The following CARNS1 variants were observed in gnomAD, a reference collection of about 807,000 sequenced individuals.
The protein encoded by CARNS1 is carnosine synthase 1.
In CARNS1, 61 loss-of-function variants were observed where a neutral mutation model predicts 74.0. That is an observed-to-expected ratio of 0.82 (90% CI 0.67 to 1.02). CARNS1 has a LOEUF of 1.02. Among genes scored for constraint, CARNS1 ranks in the 50% least tolerant of loss-of-function variants. The probability of loss-of-function intolerance (pLI) is 0.00; values close to 1 mark genes in which losing one functional copy is unlikely to be tolerated. For synonymous variants in CARNS1, 568 were observed against 605.5 expected, an observed-to-expected ratio of 0.94 and a Z score of 0.91; for missense variants, 1,278 against 1,308.4, an observed-to-expected ratio of 0.98 and a Z score of 0.36.
rs1338810333 is a variant in CARNS1 at position 67,417,497 on chromosome 11, C to T, written c.94C>T (p.Leu32=). 6.9e-6 allele frequency: 10 copies of T among 1,444,280 alleles called. No homozygotes were observed. The African/African-American group carries it at 1.3e-4, about 19-fold the overall frequency. 89.5% of individuals were successfully genotyped at this position (1,444,280 alleles called of 1,614,324 possible). ...GGGCCCCTGGGGAGGGGGCTCTGGC[C>T]TGCCGCCCACAGGCTGCTTCCCTGG... ...EEGPWGGGSG[L]PPTGCFPGSW... is the part of the protein sequence containing the mutation. Residue 32 remains leucine (L), a synonymous_variant, in exon 3 of 10, where the codon CTG becomes TTG. Transcript: ENST00000687366.
At position 67,423,706 on chromosome 11, in the gene CARNS1, G is replaced by T. The variant is rs775681177; in HGVS notation, c.1958G>T (p.Cys653Phe). The change falls in exon 10 of 10, where the codon TGC becomes TTC. Residue 653 changes from cysteine (C) to phenylalanine (F), a missense_variant. By Grantham distance (205) the Cys-to-Phe change is radical. Coordinates refer to ENST00000687366, the MANE Select transcript of CARNS1 (RefSeq NM_001166222.2). This position sits in a 1 kb window ranked among gnomAD's most constrained non-coding sequence, Gnocchi z 5.1. The stretch of plus-strand genomic sequence containing the variant: ...CCCTCCCTCCATGCTGTGCCCTGCT[G>T]CCCACTGGAGAGTGAGGCTGATGTG... Reference protein sequence around the residue: ...PAPSLHAVPCCPLESEADVER... With the variant: ...PAPSLHAVPCFPLESEADVER... 1 of 1,582,138 alleles carries T rather than the reference G, an allele frequency of 6.3e-7. No individual in the cohort carries two copies. The highest frequency in any genetic ancestry group is 8.6e-7 in the Non-Finnish European group (1 of 1,168,770).
rs1296932145 is a variant in CARNS1 at position 67,421,124 on chromosome 11, C to G, written c.1531C>G (p.Arg511Gly). The change falls in exon 9 of 10, where the codon CGC becomes GGC. Residue 511 changes from arginine to glycine, a missense_variant. Arg to Gly is a moderately radical substitution (Grantham distance 125, BLOSUM62 -2). Around this residue, in one of 3 missense-constraint regions of CARNS1, gnomAD observed 1,164 missense variants for 1,156.5 expected, o/e 1.01. Transcript: ENST00000687366. ...GGAGACCATGCTTCGGCGGTCGGCG[C>G]GCTGCCTCATGGAGGGAAAACAGCT... ...LVETMLRRSA[R>G]CLMEGKQLLV... is the part of the protein sequence containing the mutation. 1 of 1,468,548 alleles carries G rather than the reference C, an allele frequency of 6.8e-7. No individual in the cohort carries two copies. Among genetic ancestry groups the G allele is most frequent in the Non-Finnish European group, 8.9e-7 (1 of 1,117,364 alleles). The allele number at this position is 1,468,548 out of a possible 1,614,324, so 91.0% of individuals were successfully genotyped here.
At position 67,419,517 on chromosome 11, in the gene CARNS1, C is replaced by CG; in HGVS notation, c.888dup (p.Arg297AlafsTer69). On this transcript the variant is annotated frameshift_variant, in exon 6 of 10. Transcript: ENST00000687366. LOFTEE classifies it high-confidence loss of function. ...TGTGAAGCTCAGTGGCTGGCGCTGG[C>CG]GGGGGCGGCAGGCATGGCGTCTGCA... is the stretch of plus-strand genomic sequence containing the variant. The CG allele has an allele frequency of 6.2e-7, 1 of 1,610,210 alleles. No individual in the cohort carries two copies. The highest frequency in any genetic ancestry group is 8.5e-7 in the Non-Finnish European group (1 of 1,179,294).
chr11:67,425,025 T>G lies in CARNS1; in HGVS notation c.*424T>G, dbSNP rs774769279. On this transcript the variant is annotated 3_prime_UTR_variant, in exon 10 of 10. Transcript: ENST00000687366. ...TGGGCCCCAAGCCTTGGACAAATCC[T>G]GGGAAAACCTGAGACTAGAACCCTT... 7.2e-5 allele frequency: 34 copies of G among 472,690 alleles called. No homozygotes were observed. Among genetic ancestry groups the G allele is most frequent in the Non-Finnish European group, 1.3e-4 (32 of 238,652 alleles). The allele number at this position is 472,690 out of a possible 1,614,324, so 29.3% of individuals were successfully genotyped here.
rs1311072989 is a variant in CARNS1 at position 67,420,797 on chromosome 11, T to C, written c.1302T>C (p.Ser434=). The C allele has an allele frequency of 1.6e-6, 2 of 1,231,978 alleles. No individual in the cohort carries two copies. Among genetic ancestry groups the C allele is most frequent in the East Asian group, 6.6e-5 (2 of 30,326 alleles). 76.3% of individuals were successfully genotyped at this position (1,231,978 alleles called of 1,614,324 possible). The stretch of plus-strand genomic sequence containing the variant: ...TGCTGGCTCTGGAGGCCGGCCTGAG[T>C]GCCGAGCAGCGCGGCGGGCGCCGGG... ...AAVLALEAGL[S]AEQRGGRRAH... The change falls in exon 8 of 10, where the codon AGT becomes AGC. Residue 434 remains serine (S), a synonymous_variant. Coordinates refer to ENST00000687366, the MANE Select transcript of CARNS1 (RefSeq NM_001166222.2).
Position 67,419,257 on chromosome 11 carries a change from G to A in CARNS1, c.852+14G>A, listed in dbSNP as rs1863631003. 9 of 1,468,850 alleles carry A rather than the reference G, an allele frequency of 6.1e-6. No individual in the cohort carries two copies. Among genetic ancestry groups the A allele is most frequent in the African/African-American group, 2.8e-5 (2 of 70,724 alleles). 91.0% of individuals were successfully genotyped at this position (1,468,850 alleles called of 1,614,324 possible). A position where few individuals can be genotyped will look rare whatever the true frequency, so the allele number is the denominator to read the frequency against. On this transcript the variant is annotated intron_variant, in intron 5 of 9. Coordinates refer to ENST00000687366, the MANE Select transcript of CARNS1 (RefSeq NM_001166222.2). ...GATATCCTGCAGGTAACAGACTCTCGCCCACCCTGAGGTCTGTACAGATGC... is the reference window on the plus strand; with the variant it reads ...GATATCCTGCAGGTAACAGACTCTCACCCACCCTGAGGTCTGTACAGATGC...
At position 67,425,278 on chromosome 11, in the gene CARNS1, G is replaced by A. The variant is rs1215597850; in HGVS notation, c.*677G>A. 4 of 353,304 alleles carry A rather than the reference G, an allele frequency of 1.1e-5. No individual in the cohort carries two copies. The highest frequency in any genetic ancestry group is 3.8e-5 in the Admixed American group (1 of 26,654). The allele number at this position is 353,304 out of a possible 1,614,324, so 21.9% of individuals were successfully genotyped here. On this transcript the variant is annotated 3_prime_UTR_variant, in exon 10 of 10. Transcript: ENST00000687366. ...CCAGGATTATACCACAGTGGAGAGC[G>A]GGTCACAGGACATGATGCAGGGTCC...
Position 67,419,955 on chromosome 11 carries a change from G to C in CARNS1, c.1113+117G>C, listed in dbSNP as rs148879861. The C allele has an allele frequency of 2.0e-4, 205 of 1,024,942 alleles. 2 individuals carry two copies. The African/African-American group carries it at 2.9e-3, about 14-fold the overall frequency. 63.5% of individuals were successfully genotyped at this position (1,024,942 alleles called of 1,614,324 possible). A position where few individuals can be genotyped will look rare whatever the true frequency, so the allele number is the denominator to read the frequency against. ...TGGGCAGAGAGGACAAAATCCTTAG[G>C]GGGGTCGTAGTTGCCTCTGGGGAAA... On this transcript the variant is annotated intron_variant, in intron 7 of 9. Transcript: ENST00000687366.
Position 67,418,955 on chromosome 11 carries a change from G to A in CARNS1, c.564G>A (p.Glu188=), listed in dbSNP as rs1255867207. The change falls in exon 5 of 10, where the codon GAG becomes GAA. Residue 188 remains glutamate (E), a synonymous_variant. Coordinates refer to ENST00000687366, the MANE Select transcript of CARNS1 (RefSeq NM_001166222.2). ...GLGLGPGRGR[E]AAELARDLTC... ...GCCTGGGGCCTGGCCGGGGCCGAGAGGCAGCAGAACTCGCCCGTGACCTGA... is the reference window on the plus strand; with the variant it reads ...GCCTGGGGCCTGGCCGGGGCCGAGAAGCAGCAGAACTCGCCCGTGACCTGA... 6.4e-7 allele frequency: 1 copy of A among 1,573,378 alleles called. No homozygotes were observed. Among genetic ancestry groups the A allele is most frequent in the Non-Finnish European group, 8.6e-7 (1 of 1,159,818 alleles).
In CARNS1 at chr11:67,418,820, T is replaced by C. The variant is rs770209351; in HGVS notation, c.429T>C (p.Gly143=). The C allele has an allele frequency of 5.6e-6, 9 of 1,600,546 alleles. No homozygotes were observed. ...LMKVPAPGQP[G]EAALLVSKAV... ...AGGTGCCAGCACCCGGGCAGCCGGG[T>C]GAGGCAGCCCTGCTAGTCTCCAAGG... Residue 143 remains glycine, a synonymous_variant, in exon 5 of 10, where the codon GGT becomes GGC. Coordinates refer to ENST00000687366, the MANE Select transcript of CARNS1 (RefSeq NM_001166222.2).
chr11:67,421,692 T>C (rs1863710019), intron 9 of CARNS1, among the ~76,000 whole-genome samples: 1 of 152,164 alleles, frequency 6.6e-6, no homozygotes, highest in South Asian at 2.1e-4. Flanking sequence ...GGCATCACTT[T>C]ACAGAATCTG....
Position 67,421,172 on chromosome 11 carries a change from G to A in CARNS1, c.1579G>A (p.Val527Ile), listed in dbSNP as rs1022542029. 12 of 1,496,374 alleles carry A rather than the reference G, an allele frequency of 8.0e-6. No individual in the cohort carries two copies. The African/African-American group carries it at 1.8e-4, about 22-fold the overall frequency. The allele number at this position is 1,496,374 out of a possible 1,614,324, so 92.7% of individuals were successfully genotyped here. ...GCTGCTGGTGGTCGGCGCTGGCGGC[G>A]TCAGCAAGAAGTTCGTGTGGGAGGC... ...KQLLVVGAGG[V>I]SKKFVWEAAR... The change falls in exon 9 of 10, where the codon GTC (valine) becomes ATC (isoleucine). Residue 527 changes from valine to isoleucine, a missense_variant. Around this residue, in one of 3 missense-constraint regions of CARNS1, gnomAD observed 1,164 missense variants for 1,156.5 expected, o/e 1.01. Transcript: ENST00000687366.
In CARNS1 at chr11:67,424,351, A is replaced by G. The variant is rs373112633; in HGVS notation, c.2603A>G (p.Gln868Arg). ...GTGGGCGTCATGTGCCTTGTGTCCC[A>G]GCACCTGCAGGCCCTGAGTTCCACC... Reference protein sequence around the residue: ...HLVGVMCLVSQHLQALSSTAS... With the variant: ...HLVGVMCLVSRHLQALSSTAS... The change falls in exon 10 of 10, where the codon CAG becomes CGG. Residue 868 changes from glutamine (Q) to arginine (R), a missense_variant. Gln to Arg is a conservative substitution (Grantham distance 43, BLOSUM62 1). This residue lies in a region of CARNS1 where 1,164 missense variants were observed against 1,156.5 expected (regional missense o/e 1.01). Transcript: ENST00000687366. The G allele has an allele frequency of 5.6e-6, 9 of 1,605,682 alleles. No homozygotes were observed. The African/African-American group carries it at 1.2e-4, about 21-fold the overall frequency.
rs978836924 is a variant in CARNS1, at chr11:67,423,121, C to T, written c.1627-254C>T. 4.6e-5 allele frequency among the ~76,000 whole-genome samples: 7 copies of T among 152,232 alleles called. No individual in the cohort carries two copies. The highest frequency in any genetic ancestry group is 1.0e-4 in the Non-Finnish European group (7 of 68,036). ...AACATGCCTTTTCCTCCTGCAGCCA[C>T]CTGGCTGACTCATATTCTTCAGCTC... On this transcript the variant is annotated intron_variant, in intron 9 of 9. Coordinates refer to ENST00000687366, the MANE Select transcript of CARNS1 (RefSeq NM_001166222.2). This position sits in a 1 kb window ranked among gnomAD's most constrained non-coding sequence, Gnocchi z 5.1.
Position 67,420,696 on chromosome 11 carries a change from G to T in CARNS1, c.1201G>T (p.Gly401Cys), listed in dbSNP as rs1000917616. ...RTLEVALAQC[G>C]LGEEAQVAAV... is the part of the protein sequence containing the mutation. ...GCTGGAGGTGGCGCTGGCCCAGTGC[G>T]GCCTGGGCGAGGAGGCGCAGGTGGC... Residue 401 changes from glycine to cysteine, a missense_variant, in exon 8 of 10, where the codon GGC becomes TGC. Physicochemically the swap from Gly to Cys is radical, Grantham distance 159. Around this residue, in one of 3 missense-constraint regions of CARNS1, gnomAD observed 1,164 missense variants for 1,156.5 expected, o/e 1.01. Coordinates refer to ENST00000687366, the MANE Select transcript of CARNS1 (RefSeq NM_001166222.2). The T allele has an allele frequency of 3.9e-6, 5 of 1,266,266 alleles. No individual in the cohort carries two copies. The African/African-American group carries it at 6.2e-5, about 16-fold the overall frequency. The allele number at this position is 1,266,266 out of a possible 1,614,324, so 78.4% of individuals were successfully genotyped here.
rs1432388977 is a variant in CARNS1 at position 67,424,456 on chromosome 11, G to A, written c.2708G>A (p.Gly903Asp). The A allele has an allele frequency of 6.3e-7, 1 of 1,588,784 alleles. No individual in the cohort carries two copies. The highest frequency in any genetic ancestry group is 8.6e-7 in the Non-Finnish European group (1 of 1,168,848). ...LNLLEEALVP[G>D]EYEEPYCSVA... ...CTGCTGGAGGAGGCCCTGGTGCCTG[G>A]CGAGTATGAGGAGCCCTACTGCAGT... Residue 903 changes from glycine (G) to aspartate (D), a missense_variant, in exon 10 of 10, where the codon GGC becomes GAC. Gly to Asp is a moderately conservative substitution (Grantham distance 94). This residue lies in a region of CARNS1 where 1,164 missense variants were observed against 1,156.5 expected (regional missense o/e 1.01). Transcript: ENST00000687366.
At chr11:67,416,773 G>A (rs947254527) in intron 2 of CARNS1, 1 of 986,400 alleles carries the variant, frequency 1.0e-6, no homozygotes, top group Non-Finnish European at 1.2e-6. Context: ...CCTCAGAGAG[G>A]GGAGGGACGT....
chr11:67,424,181 C>A lies in CARNS1; in HGVS notation c.2433C>A (p.Ile811=), dbSNP rs185582246. Residue 811 remains isoleucine, a synonymous_variant, in exon 10 of 10, where the codon ATC becomes ATA. Transcript: ENST00000687366. ...TGACCGGGGCTGGGCCTCGGCTTAT[C>A]GAGATCAACCCCCGCATGGGTGGCT... ...LKLTGAGPRL[I]EINPRMGGFY... 1.9e-6 allele frequency: 3 copies of A among 1,613,904 alleles called. No individual in the cohort carries two copies. Among genetic ancestry groups the A allele is most frequent in the Non-Finnish European group, 1.7e-6 (2 of 1,179,890 alleles).
Position 67,418,531 on chromosome 11 carries a change from G to C in CARNS1, c.364+11G>C. The stretch of plus-strand genomic sequence containing the variant: ...GGGTCCAGAGCCCGGGTGAGTGTAT[G>C]CTCAAGTTTCCCCATCCCCTTCTAC... On this transcript the variant is annotated intron_variant, in intron 4 of 9. Transcript: ENST00000687366. 1.3e-6 allele frequency: 2 copies of C among 1,527,716 alleles called. No homozygotes were observed. The highest frequency in any genetic ancestry group is 1.8e-6 in the Non-Finnish European group (2 of 1,141,500). 94.6% of individuals were successfully genotyped at this position (1,527,716 alleles called of 1,614,324 possible).
Sources: allele counts gnomAD v4.1 joint callset (sites outside exome capture counted in the v4.1 genomes callset), GRCh38; gene constraint gnomAD v4.1.1; regional missense constraint gnomAD v4.1.1; non-coding constraint Gnocchi (gnomAD v3.1); transcripts MANE v1.5; gene names NCBI Gene and HGNC (gene_info 2026-07-23, HGNC 2026-07-21).